The following NDUFAF7 variants were observed in gnomAD, a reference collection of about 807,000 sequenced individuals.
NDUFAF7 encodes NADH:ubiquinone oxidoreductase complex assembly factor 7, also known as protein arginine methyltransferase NDUFAF7, mitochondrial.
A neutral mutation model predicts 47.2 loss-of-function variants in NDUFAF7; 48 were observed. The observed-to-expected ratio is 1.02, with a 90% CI of 0.81 to 1.29. The LOEUF (loss-of-function observed/expected upper bound fraction) is 1.29. Among genes scored for constraint, NDUFAF7 ranks in the 50% most tolerant of loss-of-function variants. The probability of loss-of-function intolerance (pLI) is 0.00; values close to 1 mark genes in which losing one functional copy is unlikely to be tolerated. For synonymous variants in NDUFAF7, 217 were observed against 190.0 expected (o/e 1.14, Z -1.17); for missense variants, 635 against 537.6 (o/e 1.18, Z -1.79).
At chr2:37,239,290 T>C (rs899596224) in intron 4 of NDUFAF7, among the ~76,000 whole-genome samples, 2 of 152,100 alleles carry the variant, frequency 1.3e-5, no homozygotes, top group Non-Finnish European at 2.9e-5. Context: ...GGCTAATTTT[T>C]TTATTTTTAG....
chr2:37,248,633 G>A lies in NDUFAF7; in HGVS notation c.*283G>A, dbSNP rs772503084. ...ATTTTATTTTAAAAAGTAAACATGC[G>A]GCTGGGCGTGGTGGCTCATGCCTGT... On this transcript the variant is annotated 3_prime_UTR_variant, in exon 10 of 10. Transcript: ENST00000002125. 49 of 389,766 alleles carry A rather than the reference G, an allele frequency of 1.3e-4. No individual in the cohort carries two copies. Among genetic ancestry groups the A allele is most frequent in the Non-Finnish European group, 2.1e-4 (43 of 205,494 alleles). The allele number at this position is 389,766 out of a possible 1,614,324, so 24.1% of individuals were successfully genotyped here. A position where few individuals can be genotyped will look rare whatever the true frequency, so the allele number is the denominator to read the frequency against.
chr2:37,244,866 C>T (rs1468561840), intron 7 of NDUFAF7, among the ~76,000 whole-genome samples: 1 of 152,122 alleles, frequency 6.6e-6, no homozygotes, highest in Non-Finnish European at 1.5e-5. Flanking sequence ...CAAGAACTAA[C>T]CTCCTGGCCC....
the NDUFAF7 span, among the ~76,000 whole-genome samples, chr2:37,265,042 G>A: frequency 2.0e-5 from 3 of 152,276 alleles, no homozygotes; most frequent in Non-Finnish European, 4.4e-5. Context: ...TTTTCTCTAA[G>A]TATGTGGGCA....
At chr2:37,261,359 T>C in the NDUFAF7 span, among the ~76,000 whole-genome samples, 6 of 151,978 alleles carry the variant, frequency 3.9e-5, no homozygotes, top group African/African-American at 1.5e-4. Flanking sequence ...TGGTGACAGG[T>C]ATCTGTAAAC....
At chr2:37,253,397 C>G, downstream of NDUFAF7, 4 of 1,506,218 alleles carry the variant, frequency 2.7e-6, no homozygotes, top group Non-Finnish European at 3.6e-6. Context: ...AAACAAAATA[C>G]TGTCAACCTG....
intron 2 of NDUFAF7, among the ~76,000 whole-genome samples, chr2:37,234,589 T>A (rs921930501): frequency 4.6e-5 from 7 of 152,182 alleles, no homozygotes; most frequent in Non-Finnish European, 8.8e-5. Context: ...TGTTTCCTTA[T>A]GAACGGAACT....
In NDUFAF7 at chr2:37,236,652, T is replaced by A. The variant is rs573479310; in HGVS notation, c.297+476T>A. Reference sequence around the variant, plus strand: ...AAAAATTAGCCGAGCGTGGTGGCGGTCGCCTGTAGTCCCAGCTACTTGGGA... The same window carrying A: ...AAAAATTAGCCGAGCGTGGTGGCGGACGCCTGTAGTCCCAGCTACTTGGGA... On this transcript the variant is annotated intron_variant, in intron 3 of 9. Coordinates refer to ENST00000002125, the MANE Select transcript of NDUFAF7 (RefSeq NM_144736.5). Among the ~76,000 whole-genome samples the A allele has an allele frequency of 2.7e-5, 4 of 150,406 alleles. No individual in the cohort carries two copies. The East Asian group carries it at 7.9e-4, about 30-fold the overall frequency.
rs368987177 is a variant in NDUFAF7, at chr2:37,237,734, G to GT, written c.298-13dup. The GT allele has an allele frequency of 0.019, 23,693 of 1,216,660 alleles. 12 individuals are homozygous for GT. The highest frequency in any genetic ancestry group is 0.021 in the Non-Finnish European group (18,342 of 866,708). 75.4% of individuals were successfully genotyped at this position (1,216,660 alleles called of 1,614,324 possible). ...TATACTTTATAATACTTTAATATGTGTTTTTTTTTTCCCTTTTCACAGCTA... is the reference window on the plus strand; with the variant it reads ...TATACTTTATAATACTTTAATATGTGTTTTTTTTTTTCCCTTTTCACAGCTA... On this transcript the variant is annotated intron_variant, in intron 3 of 9. Transcript: ENST00000002125.
At position 37,247,542 on chromosome 2, in the gene NDUFAF7, A is replaced by C. The variant is rs184598865; in HGVS notation, c.1023A>C (p.Arg341=). ...LTADVDFSYL[R]RMAQGKVASL... Reference sequence around the variant, plus strand: ...CTGATGTGGACTTCAGTTATTTGCGAAGAATGGCACAGGGAAAAGTAGCCT... The same window carrying C: ...CTGATGTGGACTTCAGTTATTTGCGCAGAATGGCACAGGGAAAAGTAGCCT... Residue 341 remains arginine, a synonymous_variant, in exon 9 of 10, where the codon CGA becomes CGC. Coordinates refer to ENST00000002125, the MANE Select transcript of NDUFAF7 (RefSeq NM_144736.5). 7.2e-5 allele frequency: 116 copies of C among 1,614,130 alleles called. No homozygotes were observed. The East Asian group carries it at 2.5e-3, about 34-fold the overall frequency.
At chr2:37,270,732 C>A in the NDUFAF7 span, among the ~76,000 whole-genome samples, 1 of 152,140 alleles carries the variant, frequency 6.6e-6, no homozygotes, top group African/African-American at 2.4e-5. Flanking sequence ...TTTGTAAGAA[C>A]CATTTTTATA....
At chr2:37,256,799 A>AT, downstream of NDUFAF7, 1 of 1,614,026 alleles carries the variant, frequency 6.2e-7, no homozygotes, top group Non-Finnish European at 8.5e-7. Flanking sequence ...CACTGACCAC[A>AT]TATCTAGGGA....
chr2:37,246,810 G>T (rs1666963919), intron 8 of NDUFAF7, among the ~76,000 whole-genome samples: 1 of 152,010 alleles, frequency 6.6e-6, no homozygotes, highest in Non-Finnish European at 1.5e-5. Context: ...TCATTCTCTA[G>T]CCTTACCTCC....
intron 4 of NDUFAF7, among the ~76,000 whole-genome samples, chr2:37,241,349 A>G (rs946751270): frequency 1.3e-5 from 2 of 152,116 alleles, no homozygotes; most frequent in Non-Finnish European, 2.9e-5. Context: ...GTTAATCATA[A>G]TTTATCATTA....
chr2:37,246,282 G>A, intron 8 of NDUFAF7, 87 bp downstream of exon 8: 2 of 1,394,496 alleles, frequency 1.4e-6, no homozygotes, highest in South Asian at 2.3e-5. Flanking sequence ...ACAGTGCCTG[G>A]TATTGTTGTA....
downstream of NDUFAF7, chr2:37,256,719 T>C: frequency 6.2e-7 from 1 of 1,612,422 alleles, no homozygotes. Flanking sequence ...GCATTTTGGA[T>C]TTGGTCATTT....
chr2:37,270,421 G>T, the NDUFAF7 span, among the ~76,000 whole-genome samples: 5 of 147,722 alleles, frequency 3.4e-5, no homozygotes, highest in South Asian at 6.4e-4. Context: ...CTGAAGAAAA[G>T]AATATGTATG....
At chr2:37,266,282 T>C in the NDUFAF7 span, among the ~76,000 whole-genome samples, 1 of 152,240 alleles carries the variant, frequency 6.6e-6, no homozygotes, top group Non-Finnish European at 1.5e-5. Context: ...AAGGAGGCTG[T>C]CTTGAATTTC....
At chr2:37,256,628 A>ATTT (rs56389006), downstream of NDUFAF7, 255 of 1,202,018 alleles carry the variant, frequency 2.1e-4, 3 homozygotes, top group East Asian at 1.2e-3. Context: ...CATAGCCAAA[A>ATTT]TTTTTTTTTT....
In NDUFAF7 at chr2:37,248,456, C is replaced by A; in HGVS notation, c.*106C>A. ...CAAAAGTCAAAGTATTTTATCTTTT[C>A]ACAGCAAGAACAGTCCATGTTGTAT... On this transcript the variant is annotated 3_prime_UTR_variant, in exon 10 of 10. Transcript: ENST00000002125. 1 of 1,120,950 alleles carries A rather than the reference C, an allele frequency of 8.9e-7. No homozygotes were observed. Among genetic ancestry groups the A allele is most frequent in the Non-Finnish European group, 1.3e-6 (1 of 744,328 alleles). The allele number at this position is 1,120,950 out of a possible 1,614,324, so 69.4% of individuals were successfully genotyped here.
Sources: allele counts gnomAD v4.1 joint callset (sites outside exome capture counted in the v4.1 genomes callset), GRCh38; gene constraint gnomAD v4.1.1; transcripts MANE v1.5; gene names NCBI Gene and HGNC (gene_info 2026-07-23, HGNC 2026-07-21).